Variants in PRH1 observed in about 807,000 individuals in gnomAD.
PRH1 encodes the protein proline rich protein HaeIII subfamily 1, also known as salivary acidic proline-rich phosphoprotein 1/2.
Under a neutral mutation model 7.9 loss-of-function variants are expected in PRH1, and 7 were observed. The ratio of observed to expected loss-of-function variants is 0.89; its 90% CI spans 0.50 to 1.67. PRH1 has a LOEUF of 1.67. Ranked by LOEUF, PRH1 falls within the 40% of genes most tolerant of loss-of-function variation. The pLI, the probability that PRH1 is intolerant of heterozygous loss-of-function variation, is 0.00. For missense variants in PRH1, 109 were observed against 223.6 expected, an observed-to-expected ratio of 0.49 and a Z score of 3.27; for synonymous variants, 45 against 80.8, an observed-to-expected ratio of 0.56 and a Z score of 2.38.
chr12:10,903,036 AAT>A (rs930123714), intron 2 of PRH1, among the ~76,000 whole-genome samples: 1 of 152,170 alleles, frequency 6.6e-6, no homozygotes, highest in African/African-American at 2.4e-5. Context: ...AAATGGTCTA[AAT>A]ACCCTCACTT....
At chr12:11,069,464 AGAC>A (rs1943968369) in intron 1 of PRH1, among the ~76,000 whole-genome samples, 1 of 119,970 alleles carries the variant, frequency 8.3e-6, no homozygotes, top group South Asian at 2.2e-4. Context: ...TAGAGACAAA[AGAC>A]AACTAGCAAA....
At chr12:10,881,260 GCT>G (rs1463919503) in intron 3 of PRH1, among the ~76,000 whole-genome samples, 1 of 152,134 alleles carries the variant, frequency 6.6e-6, no homozygotes, top group Admixed American at 6.5e-5. Flanking sequence ...TTAAAGTGTT[GCT>G]TAGATGAGAA....
At chr12:11,048,608 G>A (rs997397573), upstream of PRH1, 2 of 605,126 alleles carry the variant, frequency 3.3e-6, no homozygotes, top group African/African-American at 1.9e-5. Flanking sequence ...CTGAGATGTT[G>A]AGATCCTTTG....
intron 1 of PRH1, among the ~76,000 whole-genome samples, chr12:11,170,476 G>A (rs1046480718): frequency 2.6e-5 from 4 of 152,368 alleles, no homozygotes; most frequent in African/African-American, 9.6e-5. Context: ...GAACCCGGGA[G>A]GCGGAGCTTG....
chr12:11,106,097 C>T lies in PRH1; in HGVS notation n.124-58909G>A, dbSNP rs1258896420. 3.9e-5 allele frequency among the ~76,000 whole-genome samples: 4 copies of T among 103,198 alleles called. 1 individual carries two copies. The highest frequency in any genetic ancestry group is 5.3e-4 in the South Asian group (2 of 3,750). The allele number at this position is 103,198 out of a possible 152,430, so 67.7% of individuals were successfully genotyped here. On this transcript the variant is annotated intron_variant and non_coding_transcript_variant, in intron 1 of 4. Coordinates refer to the PRH1 transcript ENST00000541977. ...CTGGGATTACAGGCGCCCACCACCACGCCCGGCTAATTTTTTGTATTTTTA... is the reference window on the plus strand; with the variant it reads ...CTGGGATTACAGGCGCCCACCACCATGCCCGGCTAATTTTTTGTATTTTTA...
At chr12:11,078,114 TGAG>T (rs1228542029) in intron 1 of PRH1, 2 of 622,632 alleles carry the variant, frequency 3.2e-6, no homozygotes, top group African/African-American at 3.6e-5. Context: ...TTTGGTCAGC[TGAG>T]GAGATCTTTC....
intron 2 of PRH1, among the ~76,000 whole-genome samples, 172 bp from the exon 3 acceptor site, chr12:10,882,870 G>T (rs1182260627): frequency 6.6e-6 from 1 of 152,012 alleles, no homozygotes; most frequent in Non-Finnish European, 1.5e-5. Context: ...TCCACATAAG[G>T]GTGATGAAAA....
intron 1 of PRH1, chr12:11,078,445 AAAATATT>A (rs1944381767): frequency 1.9e-5 from 1 of 52,868 alleles, no homozygotes; most frequent in Non-Finnish European, 4.9e-5. Flanking sequence ...ATAGAAATAG[AAAATATT>A]GTTATTCTCA....
chr12:10,983,161 G>A (rs1398014311), intron 1 of PRH1, among the ~76,000 whole-genome samples: 1 of 152,206 alleles, frequency 6.6e-6, no homozygotes, highest in African/African-American at 2.4e-5. Flanking sequence ...GCCCATAGGA[G>A]TGGGGAGAGC....
At chr12:11,062,477 A>ATTAC (rs1215125882) in intron 1 of PRH1, among the ~76,000 whole-genome samples, 2 of 152,102 alleles carry the variant, frequency 1.3e-5, no homozygotes, top group Non-Finnish European at 2.9e-5. Context: ...CTAATGGGTA[A>ATTAC]GTTCAACGCT....
chr12:11,032,326 C>T (rs1942261317), intron 1 of PRH1, among the ~76,000 whole-genome samples: 1 of 152,178 alleles, frequency 6.6e-6, no homozygotes, highest in African/African-American at 2.4e-5. Context: ...AAGATCATCA[C>T]CAATGCGGAC....
intron 2 of PRH1, among the ~76,000 whole-genome samples, chr12:10,932,719 T>C (rs1193453730): frequency 6.6e-6 from 1 of 152,146 alleles, no homozygotes; most frequent in African/African-American, 2.4e-5. Flanking sequence ...TTCCCCTATT[T>C]TATCACTGAT....
upstream of PRH1, among the ~76,000 whole-genome samples, chr12:10,886,203 T>C (rs1266403702): frequency 1.3e-5 from 2 of 152,146 alleles, no homozygotes; most frequent in Admixed American, 6.5e-5. Flanking sequence ...CTGTTTCCCA[T>C]AGGACCTGGA....
upstream of PRH1, among the ~76,000 whole-genome samples, chr12:11,051,031 A>G: frequency 6.6e-6 from 1 of 152,284 alleles, no homozygotes; most frequent in Non-Finnish European, 1.5e-5. Flanking sequence ...GACAAAAATG[A>G]AATCCAAAGA....
chr12:11,086,400 T>A (rs1944698827), intron 1 of PRH1, among the ~76,000 whole-genome samples: 1 of 39,010 alleles, frequency 2.6e-5, no homozygotes, highest in South Asian at 8.5e-4. Context: ...TTTTTCCCTA[T>A]TTAATTTATT....
Position 11,081,773 on chromosome 12 carries a change from T to C in PRH1, n.124-34585A>G, listed in dbSNP as rs1387824795. ...GTTGTAGAAATGGGGCTCTGTGCCT[T>C]TAAATTTCATCATTACCTAAGTGAA... On this transcript the variant is annotated intron_variant and non_coding_transcript_variant, in intron 1 of 4. Coordinates refer to the PRH1 transcript ENST00000541977. Among the ~76,000 whole-genome samples, 168 of 96,680 alleles carry C rather than the reference T, an allele frequency of 1.7e-3. 1 individual carries two copies. Among genetic ancestry groups the C allele is most frequent in the Middle Eastern group, 4.4e-3 (1 of 226 alleles). The allele number at this position is 96,680 out of a possible 152,430, so 63.4% of individuals were successfully genotyped here.
upstream of PRH1, among the ~76,000 whole-genome samples, chr12:10,888,341 T>C (rs528271561): frequency 2.6e-5 from 4 of 152,344 alleles, no homozygotes; most frequent in African/African-American, 9.6e-5. Flanking sequence ...TTTGGGAGAC[T>C]GTTAATCTTC....
intron 1 of PRH1, among the ~76,000 whole-genome samples, chr12:11,113,960 T>C (rs1043530702): frequency 1.3e-5 from 2 of 152,124 alleles, no homozygotes; most frequent in African/African-American, 4.8e-5. Flanking sequence ...CACAATGAGA[T>C]ACCATCTCAT....
intron 1 of PRH1, among the ~76,000 whole-genome samples, chr12:11,155,385 G>GAA (rs1947221183): frequency 6.6e-6 from 1 of 152,124 alleles, no homozygotes; most frequent in Non-Finnish European, 1.5e-5. Context: ...CAGAAACCTG[G>GAA]AAAAATGATT....
Sources: allele counts gnomAD v4.1 joint callset (sites outside exome capture counted in the v4.1 genomes callset), GRCh38; gene constraint gnomAD v4.1.1; transcripts MANE v1.5; gene names NCBI Gene and HGNC (gene_info 2026-07-23, HGNC 2026-07-21).